The following TTC22 variants were observed in gnomAD, a reference collection of about 807,000 sequenced individuals.
The protein encoded by TTC22 is tetratricopeptide repeat domain 22, also known as tetratricopeptide repeat protein 22.
TTC22 carries 42 observed loss-of-function variants against 48.2 expected under a neutral mutation model. The observed-to-expected ratio is 0.87, with a 90% CI of 0.68 to 1.13. The LOEUF is 1.13. Ranked by LOEUF, TTC22 falls within the 50% of genes most tolerant of loss-of-function variation. The pLI is 0.00. For synonymous variants in TTC22, 345 were observed against 365.5 expected (o/e 0.94, Z 0.64); for missense variants, 784 against 807.0 (o/e 0.97, Z 0.34).
In TTC22 at chr1:54,800,801, C is replaced by G. The variant is rs778273387; in HGVS notation, c.363G>C (p.Ala121=). ...GRLGQEEEEE[A]CAARLADLMG... is the part of the protein sequence containing the mutation. Reference sequence around the variant, plus strand: ...TGAGGTCGGCCAGCCGTGCGGCGCACGCCTCCTCCTCTTCTTCCTGGCCCA... The same window carrying G: ...TGAGGTCGGCCAGCCGTGCGGCGCAGGCCTCCTCCTCTTCTTCCTGGCCCA... The change falls in exon 1 of 7, where the codon GCG becomes GCC. Residue 121 remains alanine, a synonymous_variant. Coordinates refer to ENST00000371276, the MANE Select transcript of TTC22 (RefSeq NM_001114108.2). 1.3e-6 allele frequency: 2 copies of G among 1,577,982 alleles called. No individual in the cohort carries two copies. The highest frequency in any genetic ancestry group is 1.8e-5 in the Admixed American group (1 of 55,112).
intron 1 of TTC22, among the ~76,000 whole-genome samples, chr1:54,799,264 T>C (rs1003781688): frequency 6.6e-6 from 1 of 152,182 alleles, no homozygotes; most frequent in Non-Finnish European, 1.5e-5. Flanking sequence ...CATCTGGATG[T>C]TCACTCACTG....
chr1:54,801,291 C>A lies in TTC22; in HGVS notation c.-128G>T, dbSNP rs1197983109. ...CAGCCGGCAGAGGCCCCGGGCGCTGCGGCCTCTCGGTCTCAGGGCGCCTCC... is the reference window on the plus strand; with the variant it reads ...CAGCCGGCAGAGGCCCCGGGCGCTGAGGCCTCTCGGTCTCAGGGCGCCTCC... On this transcript the variant is annotated 5_prime_UTR_variant, in exon 1 of 7. Coordinates refer to ENST00000371276, the MANE Select transcript of TTC22 (RefSeq NM_001114108.2). 1.0e-6 allele frequency: 1 copy of A among 966,236 alleles called. No homozygotes were observed. Among genetic ancestry groups the A allele is most frequent in the Non-Finnish European group, 1.5e-6 (1 of 656,696 alleles). The allele number at this position is 966,236 out of a possible 1,614,324, so 59.9% of individuals were successfully genotyped here. A position where few individuals can be genotyped will look rare whatever the true frequency, so the allele number is the denominator to read the frequency against.
intron 1 of TTC22, chr1:54,794,752 A>G (rs1646377183): frequency 6.6e-6 from 1 of 152,418 alleles, no homozygotes; most frequent in Middle Eastern, 3.4e-3. Context: ...GGAAACAGAG[A>G]CTACAGAAAA....
chr1:54,792,649 T>A (rs796763920), intron 1 of TTC22, among the ~76,000 whole-genome samples: 23 of 152,300 alleles, frequency 1.5e-4, no homozygotes, highest in African/African-American at 5.5e-4. Flanking sequence ...GTCAGGCCAG[T>A]CTCGAACTTC....
intron 1 of TTC22, among the ~76,000 whole-genome samples, chr1:54,800,019 C>A (rs933737625): frequency 1.3e-5 from 2 of 152,172 alleles, no homozygotes; most frequent in African/African-American, 4.8e-5. Flanking sequence ...CCAGGGTCAG[C>A]TCTCTTAACC....
chr1:54,784,661 T>G, intron 5 of TTC22: 15 of 1,128,506 alleles, frequency 1.3e-5, no homozygotes, highest in Non-Finnish European at 1.7e-5. Context: ...GGAATTTCAC[T>G]CCTGCCTCGT....
intron 2 of TTC22, 50 bp downstream of exon 2, chr1:54,787,992 C>A: frequency 6.3e-7 from 1 of 1,586,666 alleles, no homozygotes. Context: ...GGGTGCCAGG[C>A]CACACCTCTC....
At position 54,780,855 on chromosome 1, in the gene TTC22, G is replaced by C. The variant is rs1646256265; in HGVS notation, c.*388C>G. 1.2e-5 allele frequency: 2 copies of C among 168,446 alleles called. No homozygotes were observed. Among genetic ancestry groups the C allele is most frequent in the African/African-American group, 4.7e-5 (2 of 42,194 alleles). 10.4% of individuals were successfully genotyped at this position (168,446 alleles called of 1,614,324 possible). On this transcript the variant is annotated 3_prime_UTR_variant, in exon 7 of 7. Transcript: ENST00000371276. ...AGAGTGTGGCCTACCGGAGTCCAAAGACAGGCACTCAGGCCTGAGGGATTG... is the reference window on the plus strand; with the variant it reads ...AGAGTGTGGCCTACCGGAGTCCAAACACAGGCACTCAGGCCTGAGGGATTG...
At chr1:54,788,413 C>A (rs1646323784) in intron 1 of TTC22, among the ~76,000 whole-genome samples, 1 of 151,570 alleles carries the variant, frequency 6.6e-6, no homozygotes, top group Non-Finnish European at 1.5e-5. Flanking sequence ...CCACTGCCCA[C>A]CCTCTCCTCC....
chr1:54,781,281 C>A lies in TTC22; in HGVS notation c.1672G>T (p.Ala558Ser). ...FETMEREGEGASAPRDRRAVS... is the reference protein window; with the variant it reads ...FETMEREGEGSSAPRDRRAVS... Reference sequence around the variant, plus strand: ...GCCCGGCGGTCCCGCGGCGCGCTGGCGCCCTCGCCCTCGCGCTCCATGGTC... The same window carrying A: ...GCCCGGCGGTCCCGCGGCGCGCTGGAGCCCTCGCCCTCGCGCTCCATGGTC... Residue 558 changes from alanine (A) to serine (S), a missense_variant, in exon 7 of 7, where the codon GCC becomes TCC. Ala to Ser is a moderately conservative substitution (Grantham distance 99). Coordinates refer to ENST00000371276, the MANE Select transcript of TTC22 (RefSeq NM_001114108.2). 6.8e-7 allele frequency: 1 copy of A among 1,476,498 alleles called. No homozygotes were observed. The highest frequency in any genetic ancestry group is 2.9e-5 in the East Asian group (1 of 33,952). The allele number at this position is 1,476,498 out of a possible 1,614,324, so 91.5% of individuals were successfully genotyped here. A position where few individuals can be genotyped will look rare whatever the true frequency, so the allele number is the denominator to read the frequency against.
Position 54,781,334 on chromosome 1 carries a change from C to T in TTC22, c.1619G>A (p.Arg540Gln). The T allele has an allele frequency of 1.4e-6, 2 of 1,415,872 alleles. No homozygotes were observed. Among genetic ancestry groups the T allele is most frequent in the Non-Finnish European group, 1.8e-6 (2 of 1,096,670 alleles). 87.7% of individuals were successfully genotyped at this position (1,415,872 alleles called of 1,614,324 possible). Residue 540 changes from arginine to glutamine, a missense_variant, in exon 7 of 7, where the codon CGG (arginine) becomes CAG (glutamine). By Grantham distance (43) the Arg-to-Gln change is conservative. Coordinates refer to ENST00000371276, the MANE Select transcript of TTC22 (RefSeq NM_001114108.2). ...GLARALVAQGRPALVRLLFET... is the reference protein window; with the variant it reads ...GLARALVAQGQPALVRLLFET... ...GAAGAGCAGCCGCACCAGCGCCGGCCGTCCCTGGGCCACCAGGGCCCGGGC... is the reference window on the plus strand; with the variant it reads ...GAAGAGCAGCCGCACCAGCGCCGGCTGTCCCTGGGCCACCAGGGCCCGGGC...
At position 54,791,335 on chromosome 1, in the gene TTC22, G is replaced by A. The variant is rs528294283; in HGVS notation, c.568-3238C>T. Among the ~76,000 whole-genome samples the A allele has an allele frequency of 4.6e-5, 7 of 152,300 alleles. No individual in the cohort carries two copies. In the South Asian group the frequency reaches 8.3e-4, roughly 18 times the overall value. ...TAGTAGACTTGAGGGGTGGGAAAGC[G>A]AAGAGCTGAGGCTCGTGTGCCTGGC... On this transcript the variant is annotated intron_variant, in intron 1 of 6. Transcript: ENST00000371276.
At chr1:54,788,147 C>T in intron 1 of TTC22, 50 bp from the exon 2 acceptor site, 1 of 1,581,496 alleles carries the variant, frequency 6.3e-7, no homozygotes, top group South Asian at 1.1e-5. Context: ...GTACTCTGGC[C>T]ATTGTTCATA....
At position 54,781,080 on chromosome 1, in the gene TTC22, C is replaced by A. The variant is rs1570102289; in HGVS notation, c.*163G>T. 1 of 480,700 alleles carries A rather than the reference C, an allele frequency of 2.1e-6. No individual in the cohort carries two copies. Among genetic ancestry groups the A allele is most frequent in the Non-Finnish European group, 3.4e-6 (1 of 290,208 alleles). The allele number at this position is 480,700 out of a possible 1,614,324, so 29.8% of individuals were successfully genotyped here. A position where few individuals can be genotyped will look rare whatever the true frequency, so the allele number is the denominator to read the frequency against. ...TCCAGTCTGGGTGGGCGTTTCAAAC[C>A]GCGCGGGTGTCGCAACATCCCCATT... On this transcript the variant is annotated 3_prime_UTR_variant, in exon 7 of 7. Coordinates refer to ENST00000371276, the MANE Select transcript of TTC22 (RefSeq NM_001114108.2).
chr1:54,796,560 T>A (rs1454404254), intron 1 of TTC22, among the ~76,000 whole-genome samples: 2 of 152,226 alleles, frequency 1.3e-5, no homozygotes, highest in Non-Finnish European at 2.9e-5. Flanking sequence ...ACAGACACCA[T>A]TGCGGGTGTG....
rs181910872 is a variant in TTC22, at chr1:54,792,286, G to C, written c.568-4189C>G. ...AGGAGGGCTTGTGGGGTTGCAGATG[G>C]GGTCAGTGGAAATGGAACAGAATTA... On this transcript the variant is annotated intron_variant, in intron 1 of 6. Coordinates refer to ENST00000371276, the MANE Select transcript of TTC22 (RefSeq NM_001114108.2). Among the ~76,000 whole-genome samples, 62 of 152,308 alleles carry C rather than the reference G, an allele frequency of 4.1e-4. 1 individual carries two copies. In the East Asian group the frequency reaches 0.01, roughly 25 times the overall value.
At position 54,781,320 on chromosome 1, in the gene TTC22, G is replaced by T; in HGVS notation, c.1633C>A (p.Arg545=). Residue 545 remains arginine, a synonymous_variant, in exon 7 of 7, where the codon CGG becomes AGG. Transcript: ENST00000371276. ...LVAQGRPALV[R]LLFETMEREG... Reference sequence around the variant, plus strand: ...CGCTCCATGGTCTCGAAGAGCAGCCGCACCAGCGCCGGCCGTCCCTGGGCC... The same window carrying T: ...CGCTCCATGGTCTCGAAGAGCAGCCTCACCAGCGCCGGCCGTCCCTGGGCC... The T allele has an allele frequency of 1.4e-6, 2 of 1,439,576 alleles. No homozygotes were observed. The highest frequency in any genetic ancestry group is 1.4e-5 in the South Asian group (1 of 71,588). The allele number at this position is 1,439,576 out of a possible 1,614,324, so 89.2% of individuals were successfully genotyped here.
rs1319803542 is a variant in TTC22, at chr1:54,781,258, C to T, written c.1695G>A (p.Arg565=). The T allele has an allele frequency of 2.0e-6, 3 of 1,474,822 alleles. No homozygotes were observed. Among genetic ancestry groups the T allele is most frequent in the African/African-American group, 3.0e-5 (2 of 67,740 alleles). 91.4% of individuals were successfully genotyped at this position (1,474,822 alleles called of 1,614,324 possible). A position where few individuals can be genotyped will look rare whatever the true frequency, so the allele number is the denominator to read the frequency against. ...CACCTGAGCCCTAGAATGAGACAGC[C>T]CGGCGGTCCCGCGGCGCGCTGGCGC... ...GEGASAPRDR[R]AVSF The change falls in exon 7 of 7, where the codon CGG becomes CGA. Residue 565 remains arginine, a synonymous_variant. Coordinates refer to ENST00000371276, the MANE Select transcript of TTC22 (RefSeq NM_001114108.2).
intron 1 of TTC22, among the ~76,000 whole-genome samples, chr1:54,797,926 G>T (rs564497497): frequency 6.6e-6 from 1 of 152,054 alleles, no homozygotes; most frequent in Non-Finnish European, 1.5e-5. Flanking sequence ...GCTGCAGGGG[G>T]TCCCTCCTCC....
Sources: allele counts gnomAD v4.1 joint callset (sites outside exome capture counted in the v4.1 genomes callset), GRCh38; gene constraint gnomAD v4.1.1; transcripts MANE v1.5; gene names NCBI Gene and HGNC (gene_info 2026-07-23, HGNC 2026-07-21).